Variants in MTA3 observed in about 807,000 individuals in gnomAD.
MTA3 encodes the protein metastasis-associated protein MTA3.
MTA3 carries 34 observed loss-of-function variants against 83.5 expected under a neutral mutation model. The observed-to-expected ratio is 0.41, with a 90% confidence interval of 0.31 to 0.54. The LOEUF (loss-of-function observed/expected upper bound fraction) is 0.54, where lower values mean the gene tolerates loss of function less well. Ranked by LOEUF, MTA3 falls within the 20% of genes least tolerant of loss-of-function variation. The pLI is 0.33. For synonymous variants in MTA3, 303 were observed against 252.7 expected (o/e 1.20, Z -1.89); for missense variants, 761 against 726.4 (o/e 1.05, Z -0.55).
chr2:42,721,500 A>G lies in MTA3; in HGVS notation c.1613-1389A>G, dbSNP rs574678146. Among the ~76,000 whole-genome samples the G allele has an allele frequency of 7.3e-5, 11 of 151,704 alleles. No homozygotes were observed. In the East Asian group the frequency reaches 7.7e-4, roughly 11 times the overall value. ...GCACCACCACACTTGGCTAATTTTT[A>G]AAAATTTTTGTAGAGACAGGGTTTC... On this transcript the variant is annotated intron_variant, in intron 15 of 16. Coordinates refer to ENST00000405094, the MANE Select transcript of MTA3 (RefSeq NM_001330442.2).
intron 2 of MTA3, among the ~76,000 whole-genome samples, chr2:42,505,069 C>T (rs1383318769): frequency 6.6e-6 from 1 of 151,996 alleles, no homozygotes; most frequent in African/African-American, 2.4e-5. Flanking sequence ...ATTATTACTC[C>T]CATTTTGCAG....
intron 2 of MTA3, among the ~76,000 whole-genome samples, chr2:42,533,951 T>C (rs1676104019): frequency 6.6e-6 from 1 of 152,156 alleles, no homozygotes; most frequent in Non-Finnish European, 1.5e-5. Context: ...CAAGTTTAAG[T>C]TGCATCTCGT....
intron 14 of MTA3, among the ~76,000 whole-genome samples, chr2:42,713,569 A>G (rs532046175): frequency 6.6e-6 from 1 of 152,088 alleles, no homozygotes; most frequent in Admixed American, 6.5e-5. Flanking sequence ...CACGTTCCTC[A>G]TTCCTGATTT....
intron 4 of MTA3, among the ~76,000 whole-genome samples, chr2:42,639,784 CTT>C (rs1462799423): frequency 6.6e-6 from 1 of 152,128 alleles, no homozygotes; most frequent in African/African-American, 2.4e-5. Flanking sequence ...GTGGTGGTGT[CTT>C]TGTCTGAACA....
intron 8 of MTA3, among the ~76,000 whole-genome samples, chr2:42,679,842 T>G (rs1293469435): frequency 6.6e-6 from 1 of 151,648 alleles, no homozygotes; most frequent in African/African-American, 2.4e-5. Context: ...TGTGTGTTGT[T>G]TTTTTTTTTC....
At position 42,518,545 on chromosome 2, in the gene MTA3, A is replaced by G. The variant is rs1183747284; in HGVS notation, c.-141+23291A>G. On this transcript the variant is annotated intron_variant, in intron 2 of 17. Transcript: ENST00000405592. The stretch of plus-strand genomic sequence containing the variant: ...GTCTATACTTATAGAAAAAGACTAA[A>G]TAAATAAATGGGAAGAAAAGACAAA... Among the ~76,000 whole-genome samples the G allele has an allele frequency of 3.3e-5, 5 of 152,222 alleles. No homozygotes were observed. The South Asian group carries it at 6.2e-4, about 19-fold the overall frequency.
At chr2:42,605,156 G>A (rs1573207304) in intron 3 of MTA3, among the ~76,000 whole-genome samples, 2 of 148,824 alleles carry the variant, frequency 1.3e-5, no homozygotes, top group East Asian at 2.0e-4. Context: ...CCCAGTAGGG[G>A]CGGCCGGGCA....
intron 2 of MTA3, among the ~76,000 whole-genome samples, chr2:42,563,427 C>G (rs1287813985): frequency 2.6e-5 from 4 of 152,154 alleles, no homozygotes; most frequent in Non-Finnish European, 5.9e-5. Context: ...CCTTAGCTTC[C>G]CAAAGTGCTG....
At chr2:42,708,200 G>C (rs566785194) in intron 13 of MTA3, 146 bp downstream of exon 13, 1 of 828,424 alleles carries the variant, frequency 1.2e-6, no homozygotes, top group Non-Finnish European at 1.7e-6. Context: ...TTCAGGGTAG[G>C]TGTGGAGAGA....
At chr2:42,721,040 G>C (rs936650790) in intron 15 of MTA3, among the ~76,000 whole-genome samples, 2 of 150,952 alleles carry the variant, frequency 1.3e-5, no homozygotes, top group Non-Finnish European at 2.9e-5. Context: ...TGCTCCTACT[G>C]TGGGCAAATT....
rs1692006838 is a variant in MTA3, at chr2:42,682,302, GTTAA to G, written c.703-94_703-91del. 7 of 803,090 alleles carry G rather than the reference GTTAA, an allele frequency of 8.7e-6. No homozygotes were observed. The South Asian group carries it at 8.7e-5, about 10-fold the overall frequency. 49.7% of individuals were successfully genotyped at this position (803,090 alleles called of 1,614,324 possible). Reference sequence around the variant, plus strand: ...TTGTTAAAAAATAAATAAGTATATTGTTAATTAAGTACATCATATATTTTAGTGT... The same window carrying G: ...TTGTTAAAAAATAAATAAGTATATTGTTAAGTACATCATATATTTTAGTGT... On this transcript the variant is annotated intron_variant, in intron 8 of 16. Transcript: ENST00000405094.
intron 4 of MTA3, among the ~76,000 whole-genome samples, chr2:42,627,241 C>G (rs1686194891): frequency 6.6e-6 from 1 of 152,070 alleles, no homozygotes; most frequent in African/African-American, 2.4e-5. Context: ...CCATGCCCAG[C>G]TAACTTAAAC....
At chr2:42,750,858 G>C (rs1669822520) in intron 16 of MTA3, among the ~76,000 whole-genome samples, 1 of 152,176 alleles carries the variant, frequency 6.6e-6, no homozygotes, top group Non-Finnish European at 1.5e-5. Flanking sequence ...GTATGGAGTT[G>C]GGAGAGCTTC....
chr2:42,563,656 T>C (rs1677765189), upstream of MTA3, among the ~76,000 whole-genome samples: 2 of 151,860 alleles, frequency 1.3e-5, no homozygotes, highest in South Asian at 4.2e-4. Flanking sequence ...TTAGTGGATA[T>C]GGGATTTCGC....
chr2:42,678,574 C>G (rs1254529472), intron 8 of MTA3, among the ~76,000 whole-genome samples: 1 of 152,146 alleles, frequency 6.6e-6, no homozygotes, highest in Non-Finnish European at 1.5e-5. Context: ...AGTGATCCGC[C>G]TGCATTGGCC....
At chr2:42,568,501 G>C (rs1160851779), upstream of MTA3, 1 of 177,740 alleles carries the variant, frequency 5.6e-6, no homozygotes, top group Admixed American at 6.4e-5. Context: ...GCCTCCCCGG[G>C]CCTCCCCCGG....
At chr2:42,692,040 C>G (rs983733239) in intron 9 of MTA3, among the ~76,000 whole-genome samples, 4 of 152,034 alleles carry the variant, frequency 2.6e-5, no homozygotes, top group Non-Finnish European at 5.9e-5. Flanking sequence ...AATATTATCC[C>G]TTTGAATAAT....
intron 3 of MTA3, among the ~76,000 whole-genome samples, chr2:42,583,921 G>GT (rs1263601263): frequency 2.6e-5 from 4 of 151,212 alleles, no homozygotes; most frequent in African/African-American, 9.7e-5. Flanking sequence ...TCAGCTCAAC[G>GT]TAACCTCCAC....
chr2:42,716,973 C>T (rs1553394531), intron 14 of MTA3, among the ~76,000 whole-genome samples: 1 of 152,120 alleles, frequency 6.6e-6, no homozygotes, highest in Non-Finnish European at 1.5e-5. Context: ...TTCTCTTCAA[C>T]CTGTTTTCTC....
Sources: gnomAD v4.1 joint callset for allele counts (sites outside exome capture counted in the v4.1 genomes callset) on GRCh38, gnomAD v4.1.1 for gene constraint, MANE v1.5 for transcripts, NCBI Gene and HGNC (gene_info 2026-07-23, HGNC 2026-07-21) for gene names.